Variants in CYREN observed in about 807,000 individuals in gnomAD.
CYREN encodes the protein cell cycle regulator of NHEJ, also known as cell cycle regulator of non-homologous end joining.
CYREN carries 7 observed loss-of-function variants against 9.7 expected under a neutral mutation model. The ratio of observed to expected loss-of-function variants is 0.72; its 90% confidence interval spans 0.41 to 1.36. The LOEUF (loss-of-function observed/expected upper bound fraction) is 1.36. Ranked by LOEUF, CYREN falls within the 40% of genes most tolerant of loss-of-function variation. The pLI, the probability that CYREN is intolerant of heterozygous loss-of-function variation, is 0.01. For missense variants in CYREN, 215 were observed against 198.1 expected, an observed-to-expected ratio of 1.09 and a Z score of -0.51; for synonymous variants, 76 against 77.9, an observed-to-expected ratio of 0.98 and a Z score of 0.13.
At chr7:135,153,773 G>A (rs1251244445) in intron 2 of CYREN, among the ~76,000 whole-genome samples, 9 of 152,152 alleles carry the variant, frequency 5.9e-5, no homozygotes, top group Admixed American at 5.2e-4. Context: ...TTGCATCTAC[G>A]TTCACAGGGA....
chr7:135,126,780 G>A (rs572464543), intron 2 of CYREN, among the ~76,000 whole-genome samples: 15 of 152,280 alleles, frequency 9.9e-5, no homozygotes, highest in Admixed American at 2.6e-4. Context: ...AGGATTCCCT[G>A]TTCAATAAGT....
chr7:135,170,163 A>T (rs1215327941), intron 1 of CYREN: 1 of 152,276 alleles, frequency 6.6e-6, no homozygotes, highest in East Asian at 1.9e-4. Flanking sequence ...ATTCGCAGCC[A>T]GGTCCTGCAG....
Position 135,167,786 on chromosome 7 carries a change from C to A in CYREN, c.159G>T (p.Val53=), listed in dbSNP as rs1830286128. 4 of 1,614,172 alleles carry A rather than the reference C, an allele frequency of 2.5e-6. No homozygotes were observed. Residue 53 remains valine (V), a synonymous_variant, in exon 3 of 4, where the codon GTG becomes GTT. Transcript: ENST00000393114. The part of the protein sequence containing the change: ...AAARLPATRT[V]YCMNEAEIVD... ...CTATCTCAGCCTCATTCATGCAGTA[C>A]ACAGTCCTTGTCGCAGGGAGTCTGA... is the stretch of plus-strand genomic sequence containing the variant.
intron 2 of CYREN, chr7:135,135,866 A>G (rs1238382820): frequency 6.6e-6 from 1 of 152,198 alleles, no homozygotes; most frequent in African/African-American, 2.4e-5. Flanking sequence ...GTGTGGCACA[A>G]CATGGCACTG....
At chr7:135,111,508 G>A (rs1044375475) in intron 2 of CYREN, among the ~76,000 whole-genome samples, 1 of 152,086 alleles carries the variant, frequency 6.6e-6, no homozygotes, top group Non-Finnish European at 1.5e-5. Flanking sequence ...GTCTCAGTCA[G>A]TGTACTGCCA....
intron 2 of CYREN, among the ~76,000 whole-genome samples, chr7:135,159,061 G>A (rs1012174057): frequency 1.3e-5 from 2 of 152,202 alleles, no homozygotes; most frequent in African/African-American, 4.8e-5. Flanking sequence ...GCCCTAGGGG[G>A]TTCTCTCTTA....
chr7:135,157,814 C>T (rs1054788921), intron 2 of CYREN, among the ~76,000 whole-genome samples: 1 of 152,200 alleles, frequency 6.6e-6, no homozygotes, highest in African/African-American at 2.4e-5. Flanking sequence ...TGTCCCTTTC[C>T]TACCAGGGTG....
intron 2 of CYREN, among the ~76,000 whole-genome samples, chr7:135,154,796 T>C (rs142841744): frequency 1.1e-4 from 16 of 152,372 alleles, no homozygotes; most frequent in African/African-American, 3.8e-4. Flanking sequence ...GAATGTTCCA[T>C]GTGCTGACAA....
At chr7:135,100,985 G>A (rs1255530977) in intron 2 of CYREN, among the ~76,000 whole-genome samples, 1 of 152,202 alleles carries the variant, frequency 6.6e-6, no homozygotes, top group Non-Finnish European at 1.5e-5. Flanking sequence ...TGCATACCCT[G>A]AGGTGTAATA....
At chr7:135,128,624 C>T (rs540957592) in intron 2 of CYREN, 85 of 801,052 alleles carry the variant, frequency 1.1e-4, no homozygotes, top group Non-Finnish European at 1.6e-4. Flanking sequence ...ACCCTGGCAG[C>T]GTGATCCCGT....
chr7:135,162,671 G>T (rs1189555645), downstream of CYREN, among the ~76,000 whole-genome samples: 1 of 152,126 alleles, frequency 6.6e-6, no homozygotes, highest in Non-Finnish European at 1.5e-5. Context: ...CCACCCCCAT[G>T]ATCCAATTAC....
intron 2 of CYREN, among the ~76,000 whole-genome samples, chr7:135,105,226 C>T (rs1173248988): frequency 1.3e-5 from 2 of 152,052 alleles, no homozygotes; most frequent in African/African-American, 2.4e-5. Flanking sequence ...CCCACCACCA[C>T]GTCTGGCTAA....
chr7:135,136,821 A>T (rs1032371125), intron 2 of CYREN, among the ~76,000 whole-genome samples: 8 of 152,074 alleles, frequency 5.3e-5, no homozygotes, highest in African/African-American at 1.9e-4. Flanking sequence ...AAAGGTGATA[A>T]ACCAGTTTCC....
intron 3 of CYREN, 47 bp downstream of exon 3, chr7:135,167,685 C>T: frequency 1.2e-6 from 2 of 1,610,418 alleles, no homozygotes; most frequent in Non-Finnish European, 1.7e-6. Flanking sequence ...CTAGCCTCTG[C>T]CCATGCAGAG....
chr7:135,154,832 G>A (rs1232514357), intron 2 of CYREN, among the ~76,000 whole-genome samples: 1 of 152,158 alleles, frequency 6.6e-6, no homozygotes, highest in Non-Finnish European at 1.5e-5. Flanking sequence ...TGTAGTTGTT[G>A]GGTAGAATGT....
chr7:135,107,941 A>C (rs1372222513), intron 2 of CYREN, among the ~76,000 whole-genome samples: 1 of 152,048 alleles, frequency 6.6e-6, no homozygotes, highest in Non-Finnish European at 1.5e-5. Context: ...TTCTTGTTGA[A>C]TTGAGCCCTG....
chr7:135,135,547 C>A (rs760079656), intron 2 of CYREN: 1 of 229,468 alleles, frequency 4.4e-6, no homozygotes, highest in Non-Finnish European at 8.4e-6. Flanking sequence ...TCTTCCAAAA[C>A]TACTTACACA....
intron 2 of CYREN, among the ~76,000 whole-genome samples, chr7:135,096,120 C>A (rs1157325660): frequency 2.7e-5 from 4 of 150,352 alleles, no homozygotes; most frequent in Non-Finnish European, 5.9e-5. Flanking sequence ...CCACTGCACT[C>A]CAGGCTGGGT....
At chr7:135,101,019 A>C (rs1415750550) in intron 2 of CYREN, 2 of 362,456 alleles carry the variant, frequency 5.5e-6, no homozygotes, top group African/African-American at 2.1e-5. Flanking sequence ...TGGCTATTAC[A>C]TTACTCTTAC....
Sources: gnomAD v4.1 joint callset for allele counts (sites outside exome capture counted in the v4.1 genomes callset) on GRCh38, gnomAD v4.1.1 for gene constraint, MANE v1.5 for transcripts, NCBI Gene and HGNC (gene_info 2026-07-23, HGNC 2026-07-21) for gene names.